The following FRMPD4 variants were observed in gnomAD, a reference collection of about 807,000 sequenced individuals.
The protein encoded by FRMPD4 is FERM and PDZ domain-containing protein 4.
In FRMPD4, 22 loss-of-function variants were observed where a neutral mutation model predicts 94.1. The ratio of observed to expected loss-of-function variants is 0.23; its 90% CI spans 0.17 to 0.33. FRMPD4 has a LOEUF of 0.33. FRMPD4 is among the 10% of genes least tolerant of loss of function. FRMPD4 has a pLI of 1.00. For missense variants in FRMPD4, 1,111 were observed against 1,339.9 expected (o/e 0.83, Z 2.67); for synonymous variants, 631 against 548.6 (o/e 1.15, Z -2.10).
chrX:12,416,899 A>C (rs5935332), intron 1 of FRMPD4, among the ~76,000 whole-genome samples: 50,392 of 110,564 alleles, frequency 0.46, 8,688 homozygotes, highest in East Asian at 0.71. Context: ...GAACACCAGA[A>C]AAAAAATTTT....
intron 1 of FRMPD4, among the ~76,000 whole-genome samples, chrX:12,403,755 C>A (rs949521285): frequency 9.0e-6 from 1 of 111,517 alleles, no homozygotes; most frequent in Non-Finnish European, 1.9e-5. Context: ...TGAATAGATG[C>A]TTTCTGCTCT....
At chrX:12,246,028 G>A (rs991121274) in intron 1 of FRMPD4, among the ~76,000 whole-genome samples, 1 of 112,221 alleles carries the variant, frequency 8.9e-6, no homozygotes, top group Non-Finnish European at 1.9e-5. Flanking sequence ...AGAGTTGCCT[G>A]TACTTAAATT....
At chrX:12,509,294 G>A (rs1272582025) in intron 2 of FRMPD4, among the ~76,000 whole-genome samples, 1 of 111,834 alleles carries the variant, frequency 8.9e-6, no homozygotes, top group Admixed American at 9.5e-5. Flanking sequence ...CATGTTTACA[G>A]CAGCACAATT....
intron 1 of FRMPD4, among the ~76,000 whole-genome samples, chrX:12,365,232 G>A (rs1057242518): frequency 2.7e-5 from 3 of 111,497 alleles, no homozygotes; most frequent in African/African-American, 9.8e-5. Context: ...TGGGAGAAGG[G>A]AACCTAAAAT....
intron 1 of FRMPD4, among the ~76,000 whole-genome samples, chrX:12,305,725 G>GATTTTTTTTTTTTTT (rs2054926830): frequency 1.7e-5 from 1 of 59,721 alleles, no homozygotes; most frequent in Non-Finnish European, 2.8e-5. Context: ...AGCTGGCTAA[G>GATTTTTTTTTTTTTT]TTTTTTTTTT....
At chrX:12,197,798 A>G (rs2056583451) in intron 1 of FRMPD4, among the ~76,000 whole-genome samples, 1 of 112,476 alleles carries the variant, frequency 8.9e-6, no homozygotes. Context: ...TTGTGACAAC[A>G]TAATTAAATG....
chrX:12,541,584 C>G (rs768684562), intron 2 of FRMPD4, among the ~76,000 whole-genome samples: 1 of 111,161 alleles, frequency 9.0e-6, no homozygotes, highest in African/African-American at 3.3e-5. Flanking sequence ...GCTCTGAAAT[C>G]GAGGCAATAA....
At chrX:12,347,984 T>C (rs959296747) in intron 1 of FRMPD4, among the ~76,000 whole-genome samples, 3 of 112,124 alleles carry the variant, frequency 2.7e-5, no homozygotes, top group African/African-American at 9.7e-5. Flanking sequence ...TGTAAACATA[T>C]ATTTGATATC....
intron 3 of FRMPD4, among the ~76,000 whole-genome samples, chrX:12,056,451 G>C (rs765638358): frequency 7.2e-5 from 8 of 111,473 alleles, no homozygotes; most frequent in Non-Finnish European, 1.3e-4. Flanking sequence ...AGGAACGTTG[G>C]GGGAGGAAGT....
At chrX:12,616,621 A>G (rs1203529347) in intron 4 of FRMPD4, among the ~76,000 whole-genome samples, 1 of 112,245 alleles carries the variant, frequency 8.9e-6, no homozygotes, top group Non-Finnish European at 1.9e-5. Context: ...AATGTCTCCA[A>G]TCTTTCTATG....
intron 1 of FRMPD4, among the ~76,000 whole-genome samples, chrX:12,433,391 A>ATT (rs2057030249): frequency 8.9e-6 from 1 of 112,197 alleles, no homozygotes; most frequent in African/African-American, 3.2e-5. Context: ...GTAAGGAGAA[A>ATT]TTACTCTCCA....
At chrX:12,271,489 C>T (rs779795525) in intron 1 of FRMPD4, among the ~76,000 whole-genome samples, 2 of 111,874 alleles carry the variant, frequency 1.8e-5, no homozygotes, top group East Asian at 2.8e-4. Flanking sequence ...ACATTTTCTG[C>T]GTAGGTGTGG....
chrX:12,589,675 C>T (rs764931835), intron 2 of FRMPD4, among the ~76,000 whole-genome samples: 3 of 111,808 alleles, frequency 2.7e-5, no homozygotes, highest in Non-Finnish European at 3.8e-5. Flanking sequence ...GAATTGTGGC[C>T]TTTCCATGCT....
intron 1 of FRMPD4, among the ~76,000 whole-genome samples, chrX:12,178,637 A>T (rs1266996879): frequency 8.9e-6 from 1 of 111,905 alleles, no homozygotes; most frequent in East Asian, 2.8e-4. Context: ...GCTGTGTGCC[A>T]AGTACTGTTC....
Position 12,043,645 on chromosome X carries a change from A to T in FRMPD4, c.95+165627A>T, listed in dbSNP as rs188368659. On this transcript the variant is annotated intron_variant, in intron 3 of 18. Transcript: ENST00000640291. ...TTTTCTCTAATCTATAGCACAATTA[A>T]AAAAAAGTAACAATTTAACATGCTT... 5.6e-3 allele frequency among the ~76,000 whole-genome samples: 621 copies of T among 111,796 alleles called. 3 individuals are homozygous for T. The highest frequency in any genetic ancestry group is 0.019 in the African/African-American group (598 of 30,844).
At chrX:12,672,062 GTCAATGTTT>G (rs1316531563) in intron 4 of FRMPD4, among the ~76,000 whole-genome samples, 2 of 112,320 alleles carry the variant, frequency 1.8e-5, no homozygotes, top group African/African-American at 6.5e-5. Flanking sequence ...AAGGGGCATT[GTCAATGTTT>G]TCTCTACTGC....
At chrX:11,846,834 A>G (rs1198604313) in intron 1 of FRMPD4, among the ~76,000 whole-genome samples, 1 of 111,073 alleles carries the variant, frequency 9.0e-6, no homozygotes, top group Non-Finnish European at 1.9e-5. Flanking sequence ...CCATATGGAG[A>G]AAGCTAAAAC....
rs201912008 is a variant in FRMPD4 at position 12,718,247 on chromosome X, G to A, written c.3421G>A (p.Gly1141Ser). Residue 1141 changes from glycine (G) to serine (S), a missense_variant, in exon 16 of 17, where the codon GGC (glycine) becomes AGC (serine). Around this residue, in one of 8 missense-constraint regions of FRMPD4, gnomAD observed 551 missense variants for 591.6 expected, o/e 0.93. Transcript: ENST00000675598. The part of the protein sequence containing the change: ...EGAPDGETSD[G>S]SGLGQGDRFL... ...AGCTCCTGATGGAGAAACCAGTGAT[G>A]GCTCAGGACTTGGTCAAGGGGACCG... 1 of 1,211,732 alleles carries A rather than the reference G, an allele frequency of 8.3e-7. No individual in the cohort carries two copies. Among genetic ancestry groups the A allele is most frequent in the Non-Finnish European group, 1.1e-6 (1 of 895,286 alleles).
intron 1 of FRMPD4, among the ~76,000 whole-genome samples, chrX:12,164,807 A>G (rs1363389130): frequency 3.6e-5 from 4 of 112,355 alleles, no homozygotes; most frequent in South Asian, 3.7e-4. Flanking sequence ...CAGTGATGAC[A>G]AGCATTTTTT....
Sources: allele counts gnomAD v4.1 joint callset (sites outside exome capture counted in the v4.1 genomes callset), GRCh38; gene constraint gnomAD v4.1.1; regional missense constraint gnomAD v4.1.1; transcripts MANE v1.5; gene names NCBI Gene and HGNC (gene_info 2026-07-23, HGNC 2026-07-21).